The following CADPS2 variants were observed in gnomAD, a reference collection of about 807,000 sequenced individuals.
CADPS2 encodes calcium-dependent secretion activator 2.
A neutral mutation model predicts 172.5 loss-of-function variants in CADPS2; 93 were observed. The ratio of observed to expected loss-of-function variants is 0.54; its 90% CI spans 0.46 to 0.64. The LOEUF (loss-of-function observed/expected upper bound fraction) is 0.64. Ranked by LOEUF, CADPS2 falls within the 30% of genes least tolerant of loss-of-function variation. The probability of loss-of-function intolerance (pLI) is 0.00; values close to 1 mark genes in which losing one functional copy is unlikely to be tolerated. For synonymous variants in CADPS2, 546 were observed against 555.2 expected, an observed-to-expected ratio of 0.98 and a Z score of 0.23; for missense variants, 1,420 against 1,565.9, an observed-to-expected ratio of 0.91 and a Z score of 1.57.
intron 2 of CADPS2, among the ~76,000 whole-genome samples, chr7:122,729,550 T>C (rs1432462597): frequency 6.6e-6 from 1 of 151,850 alleles, no homozygotes; most frequent in Admixed American, 6.6e-5. Context: ...GCCTTTTTAA[T>C]AATAGCCATT....
chr7:122,784,940 C>T lies in CADPS2; in HGVS notation c.340-47872G>A, dbSNP rs143561063. Among the ~76,000 whole-genome samples, 62 of 152,142 alleles carry T rather than the reference C, an allele frequency of 4.1e-4. No individual in the cohort carries two copies. In the East Asian group the frequency reaches 9.3e-3, roughly 23 times the overall value. ...TATGTTCCTTTTTCACCTTGTTGAA[C>T]ATCAATTATTTTCATTTCAGGTCCC... On this transcript the variant is annotated intron_variant, in intron 1 of 29. Transcript: ENST00000449022.
intron 1 of CADPS2, among the ~76,000 whole-genome samples, chr7:122,874,226 T>C (rs1420037944): frequency 6.6e-6 from 1 of 152,158 alleles, no homozygotes; most frequent in African/African-American, 2.4e-5. Context: ...AGTCATAAAG[T>C]CTGCCCTTGC....
At chr7:122,469,074 A>T (rs2055551426) in intron 14 of CADPS2, among the ~76,000 whole-genome samples, 1 of 152,218 alleles carries the variant, frequency 6.6e-6, no homozygotes, top group Non-Finnish European at 1.5e-5. Flanking sequence ...CTTGAATTAC[A>T]CATTACAGAG....
chr7:122,552,214 G>A (rs1039247743), intron 8 of CADPS2, among the ~76,000 whole-genome samples: 3 of 152,052 alleles, frequency 2.0e-5, no homozygotes, highest in African/African-American at 7.2e-5. Context: ...TCTTAATTCT[G>A]CTACATAACA....
intron 19 of CADPS2, among the ~76,000 whole-genome samples, chr7:122,412,537 T>C (rs931386043): frequency 2.0e-5 from 3 of 152,204 alleles, no homozygotes; most frequent in Admixed American, 6.5e-5. Flanking sequence ...CAGGCTCTTG[T>C]TGAAGCAGCC....
At chr7:122,453,274 T>C (rs1354981553) in intron 14 of CADPS2, among the ~76,000 whole-genome samples, 1 of 152,138 alleles carries the variant, frequency 6.6e-6, no homozygotes, top group Non-Finnish European at 1.5e-5. Flanking sequence ...GTCTAACGCA[T>C]AAATTACAAA....
In CADPS2 at chr7:122,711,845, G is replaced by T. The variant is rs569631807; in HGVS notation, c.453+25110C>A. Among the ~76,000 whole-genome samples, 3 of 151,864 alleles carry T rather than the reference G, an allele frequency of 2.0e-5. No homozygotes were observed. The East Asian group carries it at 5.9e-4, about 30-fold the overall frequency. ...TTTTTGTATTTTTAGTAGAGACGGG[G>T]TTTCACCATGTTGGTCAGGCTGGTC... On this transcript the variant is annotated intron_variant, in intron 2 of 29. Coordinates refer to ENST00000449022, the MANE Select transcript of CADPS2 (RefSeq NM_017954.11).
intron 3 of CADPS2, among the ~76,000 whole-genome samples, chr7:122,645,283 ATATG>A (rs2078206189): frequency 2.1e-5 from 3 of 140,408 alleles, no homozygotes; most frequent in Non-Finnish European, 4.7e-5. Flanking sequence ...ATATACACAC[ATATG>A]TACATATATA....
At chr7:122,762,058 G>A (rs963839966) in intron 1 of CADPS2, among the ~76,000 whole-genome samples, 3 of 114,000 alleles carry the variant, frequency 2.6e-5, no homozygotes, top group African/African-American at 9.6e-5. Context: ...ACACACACAC[G>A]TATATTTATG....
intron 8 of CADPS2, among the ~76,000 whole-genome samples, chr7:122,552,794 A>T (rs371294412): frequency 0.067 from 5,669 of 85,214 alleles, 320 homozygotes; most frequent in African/African-American, 0.18. Flanking sequence ...TTTTTTTTTT[A>T]TTATTGTGCC....
chr7:122,482,460 A>T (rs990805842), intron 11 of CADPS2, among the ~76,000 whole-genome samples: 3 of 152,188 alleles, frequency 2.0e-5, no homozygotes, highest in Non-Finnish European at 4.4e-5. Flanking sequence ...ATCTAGCCCA[A>T]AATGTCAATA....
chr7:122,737,126 CTA>C, intron 1 of CADPS2, 58 bp from the exon 2 acceptor site: 1 of 840,182 alleles, frequency 1.2e-6, no homozygotes, highest in South Asian at 1.5e-5. Flanking sequence ...AAAATAATGA[CTA>C]TTAAAAATCA....
At chr7:122,525,787 G>A (rs927909875) in intron 8 of CADPS2, among the ~76,000 whole-genome samples, 2 of 152,030 alleles carry the variant, frequency 1.3e-5, no homozygotes, top group South Asian at 4.1e-4. Context: ...ATTATATTAT[G>A]GTTAATTGAG....
At chr7:122,440,027 C>T (rs2051150025) in intron 16 of CADPS2, 2 of 152,176 alleles carry the variant, frequency 1.3e-5, no homozygotes, top group South Asian at 2.1e-4. Context: ...TTTCCTGCTG[C>T]ATCCCATGTT....
intron 1 of CADPS2, among the ~76,000 whole-genome samples, chr7:122,760,671 A>G (rs2093348220): frequency 6.6e-6 from 1 of 151,958 alleles, no homozygotes; most frequent in Non-Finnish European, 1.5e-5. Flanking sequence ...AGGGACATGG[A>G]TGAAGCTGGA....
intron 25 of CADPS2, among the ~76,000 whole-genome samples, chr7:122,361,280 C>CTGGA (rs1407272569): frequency 7.1e-6 from 1 of 140,506 alleles, no homozygotes; most frequent in African/African-American, 2.7e-5. Context: ...GTCACCCAGG[C>CTGGA]TGGAGTGCAG....
chr7:122,875,882 C>T (rs999884491), intron 1 of CADPS2, among the ~76,000 whole-genome samples: 1 of 152,190 alleles, frequency 6.6e-6, no homozygotes, highest in African/African-American at 2.4e-5. Flanking sequence ...GAGAGAACCA[C>T]TCTCTCACGT....
intron 2 of CADPS2, among the ~76,000 whole-genome samples, chr7:122,720,950 C>A (rs914118606): frequency 1.3e-5 from 2 of 151,876 alleles, no homozygotes; most frequent in East Asian, 1.9e-4. Flanking sequence ...AATATATGTG[C>A]CAGGCGTTGT....
At chr7:122,621,454 AG>A in intron 5 of CADPS2, 26 bp downstream of exon 5, 1 of 1,392,992 alleles carries the variant, frequency 7.2e-7, no homozygotes, top group Non-Finnish European at 1.0e-6. Context: ...ATGCTGTCAG[AG>A]GTGAGCATGA....
Sources: allele counts gnomAD v4.1 joint callset (sites outside exome capture counted in the v4.1 genomes callset), GRCh38; gene constraint gnomAD v4.1.1; transcripts MANE v1.5; gene names NCBI Gene and HGNC (gene_info 2026-07-23, HGNC 2026-07-21).